CPNE4: variants seen among roughly 807,000 people sequenced by gnomAD.
CPNE4 encodes copine 4.
CPNE4 carries 25 observed loss-of-function variants against 67.9 expected under a neutral mutation model. The ratio of observed to expected loss-of-function variants is 0.37; its 90% CI spans 0.27 to 0.51. The LOEUF (loss-of-function observed/expected upper bound fraction) is 0.51, where lower values mean the gene tolerates loss of function less well. Among genes scored for constraint, CPNE4 ranks in the 20% least tolerant of loss-of-function variants. CPNE4 has a pLI of 0.93. For missense variants in CPNE4, 464 were observed against 690.8 expected (o/e 0.67, Z 3.68); for synonymous variants, 242 against 244.9 (o/e 0.99, Z 0.11).
chr3:131,778,320 G>A (rs558478337), intron 2 of CPNE4, among the ~76,000 whole-genome samples: 3 of 152,054 alleles, frequency 2.0e-5, no homozygotes, highest in African/African-American at 7.2e-5. Flanking sequence ...CTTCCCAGGA[G>A]CGTATGTCTA....
In CPNE4 at chr3:131,585,854, T is replaced by A. The variant is rs547706152; in HGVS notation, c.780+1630A>T. Among the ~76,000 whole-genome samples, 14 of 152,282 alleles carry A rather than the reference T, an allele frequency of 9.2e-5. No individual in the cohort carries two copies. In the South Asian group the frequency reaches 2.9e-3, roughly 32 times the overall value. On this transcript the variant is annotated intron_variant, in intron 8 of 15. Coordinates refer to ENST00000429747, the MANE Select transcript of CPNE4 (RefSeq NM_130808.3). Reference sequence around the variant, plus strand: ...TTAACTGTGGCTCTGAAACTCTGCATCCTGGCTTGTGGGTGATGGTCTCTG... The same window carrying A: ...TTAACTGTGGCTCTGAAACTCTGCAACCTGGCTTGTGGGTGATGGTCTCTG...
At chr3:131,797,196 T>C (rs111952713) in intron 2 of CPNE4, among the ~76,000 whole-genome samples, 93 of 152,358 alleles carry the variant, frequency 6.1e-4, no homozygotes, top group African/African-American at 2.1e-3. Context: ...CAAAGCAGAA[T>C]ACTTTACACC....
intron 1 of CPNE4, among the ~76,000 whole-genome samples, chr3:131,927,117 A>T (rs2070916762): frequency 6.6e-6 from 1 of 152,150 alleles, no homozygotes; most frequent in South Asian, 2.1e-4. Context: ...TTTAATATTC[A>T]TAACAACCTT....
At chr3:131,712,156 C>G (rs1488554380) in intron 3 of CPNE4, among the ~76,000 whole-genome samples, 1 of 152,200 alleles carries the variant, frequency 6.6e-6, no homozygotes. Context: ...ACTCCTCCAC[C>G]TGAGTGTGAG....
At chr3:131,747,564 G>C (rs1044085393) in intron 2 of CPNE4, among the ~76,000 whole-genome samples, 7 of 151,896 alleles carry the variant, frequency 4.6e-5, no homozygotes, top group Non-Finnish European at 7.4e-5. Context: ...TTGAGACAGG[G>C]TCTCACTACG....
chr3:131,605,683 T>G lies in CPNE4; in HGVS notation c.682-18101A>C, dbSNP rs553853681. On this transcript the variant is annotated intron_variant, in intron 7 of 15. Transcript: ENST00000429747. ...GGGAAATAGAAGTCCAATGAGAGTT[T>G]GAAGTAAATCTGTGACACTGGAAAG... Among the ~76,000 whole-genome samples, 493 of 152,200 alleles carry G rather than the reference T, an allele frequency of 3.2e-3. 1 individual carries two copies. The highest frequency in any genetic ancestry group is 0.011 in the African/African-American group (452 of 41,534).
At position 131,768,599 on chromosome 3, in the gene CPNE4, C is replaced by G. The variant is rs147917882; in HGVS notation, c.181-44974G>C. Among the ~76,000 whole-genome samples the G allele has an allele frequency of 3.9e-3, 601 of 152,244 alleles. 6 individuals carry two copies. The highest frequency in any genetic ancestry group is 0.014 in the African/African-American group (569 of 41,552). On this transcript the variant is annotated intron_variant, in intron 2 of 15. Coordinates refer to ENST00000429747, the MANE Select transcript of CPNE4 (RefSeq NM_130808.3). Reference sequence around the variant, plus strand: ...TAATCAGAAGAGTCCTGGGGGATGTCTGCTAAACAGCTTCATCTCAAGCAG... The same window carrying G: ...TAATCAGAAGAGTCCTGGGGGATGTGTGCTAAACAGCTTCATCTCAAGCAG...
intron 12 of CPNE4, among the ~76,000 whole-genome samples, chr3:131,554,576 T>C (rs190565108): frequency 1.3e-5 from 2 of 152,138 alleles, no homozygotes; most frequent in East Asian, 3.9e-4. Flanking sequence ...AGCGATTCCA[T>C]CCACTATTCA....
chr3:131,575,687 C>T (rs903252854), intron 9 of CPNE4, among the ~76,000 whole-genome samples: 4 of 152,104 alleles, frequency 2.6e-5, no homozygotes, highest in African/African-American at 9.7e-5. Flanking sequence ...TCATTTAATT[C>T]TCAGAACAAT....
intron 2 of CPNE4, among the ~76,000 whole-genome samples, chr3:131,851,618 G>A (rs764418941): frequency 6.6e-6 from 1 of 152,044 alleles, no homozygotes; most frequent in South Asian, 2.1e-4. Context: ...ATGGAGAACA[G>A]GTTTTCCTTG....
At chr3:131,780,661 C>A (rs777129683) in intron 2 of CPNE4, among the ~76,000 whole-genome samples, 3 of 151,946 alleles carry the variant, frequency 2.0e-5, no homozygotes, top group Non-Finnish European at 4.4e-5. Flanking sequence ...GACACTGGGG[C>A]TTATTTGAGA....
Position 131,574,241 on chromosome 3 carries a change from T to A in CPNE4, c.927+830A>T, listed in dbSNP as rs552968016. Reference sequence around the variant, plus strand: ...ATAAATGCTGTACAAGTTACATCTCTCTTGTTTACGTCCACATTGCTTTCC... The same window carrying A: ...ATAAATGCTGTACAAGTTACATCTCACTTGTTTACGTCCACATTGCTTTCC... On this transcript the variant is annotated intron_variant, in intron 10 of 15. Coordinates refer to ENST00000429747, the MANE Select transcript of CPNE4 (RefSeq NM_130808.3). Among the ~76,000 whole-genome samples, 3 of 152,286 alleles carry A rather than the reference T, an allele frequency of 2.0e-5. No homozygotes were observed. The East Asian group carries it at 5.8e-4, about 29-fold the overall frequency.
chr3:131,912,962 TC>T (rs2089039231), intron 1 of CPNE4, among the ~76,000 whole-genome samples: 1 of 151,698 alleles, frequency 6.6e-6, no homozygotes, highest in Admixed American at 6.6e-5. Flanking sequence ...AAGGCAAACT[TC>T]CCCCAGATAT....
chr3:131,622,010 C>A (rs1582906923), intron 7 of CPNE4, among the ~76,000 whole-genome samples: 1 of 138,914 alleles, frequency 7.2e-6, no homozygotes, highest in African/African-American at 2.9e-5. Flanking sequence ...CAAAGCCAGA[C>A]CCTGTCTCAA....
At chr3:131,710,034 T>A (rs2107720520) in intron 3 of CPNE4, among the ~76,000 whole-genome samples, 1 of 152,350 alleles carries the variant, frequency 6.6e-6, no homozygotes, top group Middle Eastern at 3.4e-3. Flanking sequence ...GGCAGGGCTT[T>A]GCCTCCTTTG....
At chr3:131,958,239 A>G (rs1177007108) in intron 1 of CPNE4, among the ~76,000 whole-genome samples, 1 of 152,190 alleles carries the variant, frequency 6.6e-6, no homozygotes, top group Non-Finnish European at 1.5e-5. Context: ...ATGAGCAATA[A>G]ATAGCTCAGA....
intron 2 of CPNE4, among the ~76,000 whole-genome samples, chr3:131,736,359 C>T (rs967203213): frequency 2.6e-5 from 4 of 152,080 alleles, no homozygotes; most frequent in South Asian, 2.1e-4. Context: ...TGGTGGCTCA[C>T]GCCTGTAATC....
At chr3:132,011,291 T>C (rs1439423855) in intron 1 of CPNE4, among the ~76,000 whole-genome samples, 2 of 152,200 alleles carry the variant, frequency 1.3e-5, no homozygotes, top group African/African-American at 4.8e-5. Flanking sequence ...TGGGATCAGA[T>C]TGACAACCTC....
intron 2 of CPNE4, among the ~76,000 whole-genome samples, chr3:131,749,529 A>T (rs2082572894): frequency 6.6e-6 from 1 of 152,068 alleles, no homozygotes; most frequent in African/African-American, 2.4e-5. Context: ...TTGTTTTATC[A>T]ATTGCTGAGA....
Sources: allele counts gnomAD v4.1 joint callset (sites outside exome capture counted in the v4.1 genomes callset), GRCh38; gene constraint gnomAD v4.1.1; transcripts MANE v1.5; gene names NCBI Gene and HGNC (gene_info 2026-07-23, HGNC 2026-07-21).